CASZ1: variants seen among roughly 807,000 people sequenced by gnomAD.
CASZ1 encodes zinc finger protein castor homolog 1.
CASZ1 carries 28 observed loss-of-function variants against 135.2 expected under a neutral mutation model. The ratio of observed to expected loss-of-function variants is 0.21; its 90% CI spans 0.15 to 0.28. The LOEUF is 0.28. Ranked by LOEUF, CASZ1 falls within the 10% of genes least tolerant of loss-of-function variation. The probability of loss-of-function intolerance (pLI) is 1.00; values close to 1 mark genes in which losing one functional copy is unlikely to be tolerated. For missense variants in CASZ1, 2,161 were observed against 2,453.3 expected (o/e 0.88, Z 2.52); for synonymous variants, 1,068 against 1,073.4 (o/e 0.99, Z 0.10).
rs1639210889 is a variant in CASZ1, at chr1:10,707,958, G to T, written c.-76-2414C>A. Among the ~76,000 whole-genome samples, 1 of 152,180 alleles carries T rather than the reference G, an allele frequency of 6.6e-6. No individual in the cohort carries two copies. Among genetic ancestry groups the T allele is most frequent in the South Asian group, 2.1e-4 (1 of 4,826 alleles). On this transcript the variant is annotated intron_variant, in intron 2 of 20. Coordinates refer to ENST00000377022, the MANE Select transcript of CASZ1 (RefSeq NM_001079843.3). This position sits in a 1 kb window ranked among gnomAD's most constrained non-coding sequence, Gnocchi z 5.0. ...GCTGAAGTGAAGTGAACTCTTCCAGGCTAAGAAAGAAAAGCCATGTGCTCA... is the reference window on the plus strand; with the variant it reads ...GCTGAAGTGAAGTGAACTCTTCCAGTCTAAGAAAGAAAAGCCATGTGCTCA...
intron 8 of CASZ1, 67 bp downstream of exon 8, chr1:10,656,579 C>G: frequency 7.9e-7 from 1 of 1,264,930 alleles, no homozygotes; most frequent in Non-Finnish European, 1.1e-6. Flanking sequence ...CCCCGCCTGC[C>G]GACTTCTAAG....
intron 1 of CASZ1, among the ~76,000 whole-genome samples, chr1:10,773,791 T>C (rs960132037): frequency 5.9e-5 from 9 of 152,068 alleles, no homozygotes; most frequent in Non-Finnish European, 1.2e-4. Context: ...CACACACACA[T>C]CCTATGCCAA....
intron 2 of CASZ1, among the ~76,000 whole-genome samples, chr1:10,746,266 G>A (rs545762803): frequency 6.6e-6 from 1 of 152,258 alleles, no homozygotes; most frequent in Admixed American, 6.5e-5. Context: ...ACACGTGCGC[G>A]CACACACACG....
At chr1:10,642,129 G>C (rs1264889180) in intron 20 of CASZ1, 1 of 150,452 alleles carries the variant, frequency 6.6e-6, no homozygotes, top group Non-Finnish European at 1.5e-5. Context: ...GGCCCCGGCC[G>C]GCTCCGAGAG....
Position 10,697,244 on chromosome 1 carries a change from C to T in CASZ1, c.-23-3332G>A, listed in dbSNP as rs1000897301. 6.6e-5 allele frequency among the ~76,000 whole-genome samples: 10 copies of T among 152,066 alleles called. No homozygotes were observed. The highest frequency in any genetic ancestry group is 2.4e-4 in the African/African-American group (10 of 41,458). ...TGGAGGGGCCCCCAGATTATGCGCC[C>T]CCCCCTTCTCTCTCTTTCTCTCTGA... On this transcript the variant is annotated intron_variant, in intron 3 of 20. Transcript: ENST00000377022. The surrounding 1 kb of genome is among the most constrained non-coding windows in gnomAD (Gnocchi z 4.7).
rs752037279 is a variant in CASZ1, at chr1:10,645,020, G to A, written c.3765C>T (p.Ile1255=). The change falls in exon 18 of 21, where the codon ATC becomes ATT. Residue 1255 remains isoleucine, a synonymous_variant. Coordinates refer to ENST00000377022, the MANE Select transcript of CASZ1 (RefSeq NM_001079843.3). ...TGATGTGCCAGGGGAGCTTGGTGGT[G>A]ATGTTGGTCACAAAATAGCAGCCGG... The part of the protein sequence containing the change: ...LRTGCYFVTN[I]TTKLPWHIKK... The A allele has an allele frequency of 2.5e-5, 41 of 1,613,964 alleles. No individual in the cohort carries two copies. Among genetic ancestry groups the A allele is most frequent in the Non-Finnish European group, 3.5e-5 (41 of 1,180,026 alleles).
intron 1 of CASZ1, among the ~76,000 whole-genome samples, chr1:10,775,960 C>T (rs1640655240): frequency 6.6e-6 from 1 of 152,180 alleles, no homozygotes; most frequent in Admixed American, 6.5e-5. Context: ...TGTCTGCTTT[C>T]TGCCCTGAGC....
At chr1:10,648,360 C>T (rs1292401990) in intron 15 of CASZ1, 11 of 484,984 alleles carry the variant, frequency 2.3e-5, no homozygotes, top group Non-Finnish European at 3.6e-5. Flanking sequence ...TGGGCCTAAC[C>T]ATGCCTTCCT....
chr1:10,686,531 C>T (rs1030070527), intron 4 of CASZ1, among the ~76,000 whole-genome samples: 9 of 152,166 alleles, frequency 5.9e-5, no homozygotes, highest in Admixed American at 2.0e-4. Flanking sequence ...TGGGGACACT[C>T]GGGCCTCTGG....
chr1:10,715,814 G>A lies in CASZ1; in HGVS notation c.-76-10270C>T, dbSNP rs1167813843. ...CACAGCACCCAATCCACACCCCACA[G>A]CATCCAATCCGCACCTACAGCACCC... On this transcript the variant is annotated intron_variant, in intron 2 of 20. Coordinates refer to ENST00000377022, the MANE Select transcript of CASZ1 (RefSeq NM_001079843.3). Among the ~76,000 whole-genome samples, 3 of 92,822 alleles carry A rather than the reference G, an allele frequency of 3.2e-5. No homozygotes were observed. The Admixed American group carries it at 3.6e-4, about 11-fold the overall frequency. 60.9% of individuals were successfully genotyped at this position (92,822 alleles called of 152,430 possible).
chr1:10,678,584 G>A (rs1265358239), intron 4 of CASZ1, among the ~76,000 whole-genome samples: 4 of 152,212 alleles, frequency 2.6e-5, no homozygotes, highest in African/African-American at 4.8e-5. Flanking sequence ...CGCTCCCTGG[G>A]CCGCGCCGGC....
Position 10,739,476 on chromosome 1 carries a change from G to T in CASZ1, c.-77+21225C>A, listed in dbSNP as rs1639872164. 6.6e-6 allele frequency among the ~76,000 whole-genome samples: 1 copy of T among 152,148 alleles called. No homozygotes were observed. Among genetic ancestry groups the T allele is most frequent in the Non-Finnish European group, 1.5e-5 (1 of 68,004 alleles). On this transcript the variant is annotated intron_variant, in intron 2 of 20. Transcript: ENST00000377022. The surrounding 1 kb of genome is among the most constrained non-coding windows in gnomAD (Gnocchi z 4.8). Reference sequence around the variant, plus strand: ...GCGGTCTGCTCTCACTCCCCTCGCTGCTCTGTAATTAAGCTCAGCTGCGCC... The same window carrying T: ...GCGGTCTGCTCTCACTCCCCTCGCTTCTCTGTAATTAAGCTCAGCTGCGCC...
chr1:10,778,499 C>A (rs59096032), intron 1 of CASZ1, among the ~76,000 whole-genome samples: 10,351 of 152,198 alleles, frequency 0.068, 472 homozygotes, highest in East Asian at 0.27. Context: ...GTCTCAAACA[C>A]AGTCACTCAC....
At chr1:10,683,556 C>T (rs1638494886) in intron 4 of CASZ1, among the ~76,000 whole-genome samples, 1 of 152,184 alleles carries the variant, frequency 6.6e-6, no homozygotes, top group South Asian at 2.1e-4. Flanking sequence ...TCTCTGCTTA[C>T]ACAGAAACAT....
chr1:10,723,424 C>T lies in CASZ1; in HGVS notation c.-76-17880G>A, dbSNP rs2100490586. 1.3e-5 allele frequency among the ~76,000 whole-genome samples: 2 copies of T among 152,310 alleles called. 1 individual carries two copies. The highest frequency in any genetic ancestry group is 4.1e-4 in the South Asian group (2 of 4,826). On this transcript the variant is annotated intron_variant, in intron 2 of 20. Coordinates refer to ENST00000377022, the MANE Select transcript of CASZ1 (RefSeq NM_001079843.3). Reference sequence around the variant, plus strand: ...CCCCTTTAAAACCAACCCATCTGTGCATTAAAACCACCCATAAAACAGAGG... The same window carrying T: ...CCCCTTTAAAACCAACCCATCTGTGTATTAAAACCACCCATAAAACAGAGG...
In CASZ1 at chr1:10,707,795, G is replaced by A. The variant is rs1570506700; in HGVS notation, c.-76-2251C>T. Among the ~76,000 whole-genome samples, 2 of 152,304 alleles carry A rather than the reference G, an allele frequency of 1.3e-5. No homozygotes were observed. Among genetic ancestry groups the A allele is most frequent in the Admixed American group, 1.3e-4 (2 of 15,302 alleles). ...TCACTGTCCCCACTGTCTGCTTTGT[G>A]AGTGGCCCATATGAGTGAGTGGCCA... On this transcript the variant is annotated intron_variant, in intron 2 of 20. Coordinates refer to ENST00000377022, the MANE Select transcript of CASZ1 (RefSeq NM_001079843.3). This position sits in a 1 kb window ranked among gnomAD's most constrained non-coding sequence, Gnocchi z 5.0.
rs1639598720 is a variant in CASZ1, at chr1:10,726,436, G to A, written c.-76-20892C>T. ...TACTCATGGCCATCACAGTCCTCCT[G>A]GCTGGAGCCGGAGGGAGGAGGAGGG... On this transcript the variant is annotated intron_variant, in intron 2 of 20. Transcript: ENST00000377022. The surrounding 1 kb of genome is among the most constrained non-coding windows in gnomAD (Gnocchi z 5.7). 1.3e-5 allele frequency among the ~76,000 whole-genome samples: 2 copies of A among 152,188 alleles called. No homozygotes were observed. Among genetic ancestry groups the A allele is most frequent in the Non-Finnish European group, 2.9e-5 (2 of 68,030 alleles).
At chr1:10,775,788 A>G (rs1295100952) in intron 1 of CASZ1, among the ~76,000 whole-genome samples, 1 of 152,190 alleles carries the variant, frequency 6.6e-6, no homozygotes, top group Non-Finnish European at 1.5e-5. Flanking sequence ...GGAAAGATGA[A>G]GCCCTGAGGT....
rs750626895 is a variant in CASZ1, at chr1:10,643,311, C to T, written c.3869G>A (p.Gly1290Asp). Reference protein sequence around the residue: ...FTKREECGRLGCKYNQVNSHF... With the variant: ...FTKREECGRLDCKYNQVNSHF... ...GCTGTTCACCTGGTTGTACTTGCAA[C>T]CTGTGGACACAGCCCCACCTGGCAT... The change falls in exon 19 of 21, where the codon GGT becomes GAT. Residue 1290 changes from glycine (G) to aspartate (D), a missense_variant and splice_region_variant. Physicochemically the swap from Gly to Asp is moderately conservative, Grantham distance 94 (BLOSUM62 -1). Transcript: ENST00000377022. The T allele has an allele frequency of 1.2e-6, 2 of 1,612,552 alleles. No individual in the cohort carries two copies. The highest frequency in any genetic ancestry group is 1.1e-5 in the South Asian group (1 of 91,028).
Sources: gnomAD v4.1 joint callset for allele counts (sites outside exome capture counted in the v4.1 genomes callset) on GRCh38, gnomAD v4.1.1 for gene constraint, Gnocchi (gnomAD v3.1) non-coding constraint, MANE v1.5 for transcripts, NCBI Gene and HGNC (gene_info 2026-07-23, HGNC 2026-07-21) for gene names.